Variants in SAMD3 observed in about 807,000 individuals in gnomAD.
SAMD3 encodes the protein sterile alpha motif domain-containing protein 3.
SAMD3 carries 63 observed loss-of-function variants against 58.5 expected under a neutral mutation model. That is an observed-to-expected ratio of 1.08 (90% confidence interval 0.88 to 1.33). The LOEUF is 1.33. Ranked by LOEUF, SAMD3 falls within the 40% of genes most tolerant of loss-of-function variation. The probability of loss-of-function intolerance (pLI) is 0.00; values close to 1 mark genes in which losing one functional copy is unlikely to be tolerated. For missense variants in SAMD3, 604 were observed against 608.4 expected (o/e 0.99, Z 0.08); for synonymous variants, 220 against 210.3 (o/e 1.05, Z -0.40).
At chr6:130,185,608 T>C (rs1411830348) in intron 5 of SAMD3, among the ~76,000 whole-genome samples, 1 of 151,004 alleles carries the variant, frequency 6.6e-6, no homozygotes, top group Non-Finnish European at 1.5e-5. Context: ...ACTACAGGCC[T>C]GAGCCACTGC....
chr6:130,342,279 T>C (rs1777297967), intron 1 of SAMD3, among the ~76,000 whole-genome samples: 1 of 152,234 alleles, frequency 6.6e-6, no homozygotes, highest in South Asian at 2.1e-4. Context: ...AGATGTTGCT[T>C]ACAAACCCCA....
At chr6:130,283,256 A>G (rs1775046755) in intron 2 of SAMD3, among the ~76,000 whole-genome samples, 1 of 152,208 alleles carries the variant, frequency 6.6e-6, no homozygotes, top group African/African-American at 2.4e-5. Context: ...ATTAACAGAT[A>G]TGAAGGTTAG....
At position 130,228,354 on chromosome 6, in the gene SAMD3, T is replaced by C. The variant is rs12661011; in HGVS notation, c.-187-5541A>G. ...AACCCGTTGTGCATTAAAAATTGTT[T>C]TTTTTCTGCATGCCATGATGAACCT... On this transcript the variant is annotated intron_variant, in intron 2 of 13. Coordinates refer to the SAMD3 transcript ENST00000368134. 8.0e-3 allele frequency among the ~76,000 whole-genome samples: 1,224 copies of C among 152,290 alleles called. 51 individuals carry two copies. In the East Asian group the frequency reaches 0.11, roughly 13 times the overall value.
intron 8 of SAMD3, among the ~76,000 whole-genome samples, chr6:130,175,056 A>C (rs1791598090): frequency 6.6e-6 from 1 of 152,242 alleles, no homozygotes; most frequent in African/African-American, 2.4e-5. Context: ...CACTAATATA[A>C]ACATGTTTGT....
At chr6:130,314,307 G>A (rs191730452) in intron 1 of SAMD3, among the ~76,000 whole-genome samples, 20 of 152,226 alleles carry the variant, frequency 1.3e-4, no homozygotes, top group African/African-American at 4.8e-4. Flanking sequence ...TAGCCCTTAA[G>A]AGGCCCTGAA....
chr6:130,187,752 G>T (rs1291148726), intron 5 of SAMD3, among the ~76,000 whole-genome samples: 2 of 152,136 alleles, frequency 1.3e-5, no homozygotes, highest in Non-Finnish European at 2.9e-5. Flanking sequence ...TCAGCCAAAA[G>T]TAAGGGCAGG....
At chr6:130,312,800 C>A (rs892062204) in intron 2 of SAMD3, among the ~76,000 whole-genome samples, 3 of 152,138 alleles carry the variant, frequency 2.0e-5, no homozygotes, top group Non-Finnish European at 2.9e-5. Flanking sequence ...CATGCACACA[C>A]ACACACACAT....
chr6:130,168,159 C>T (rs572557138), intron 8 of SAMD3, among the ~76,000 whole-genome samples: 4 of 152,140 alleles, frequency 2.6e-5, no homozygotes, highest in African/African-American at 4.8e-5. Flanking sequence ...CCTGGCCAGG[C>T]GCGGTGGCTC....
intron 1 of SAMD3, among the ~76,000 whole-genome samples, chr6:130,343,977 A>AC (rs10690825): frequency 2.0e-5 from 3 of 148,998 alleles, no homozygotes; most frequent in African/African-American, 7.5e-5. Flanking sequence ...AAACAAACAA[A>AC]AAAAAAAGGG....
intron 5 of SAMD3, among the ~76,000 whole-genome samples, chr6:130,186,563 C>G (rs1244052225): frequency 6.6e-6 from 1 of 152,108 alleles, no homozygotes; most frequent in Non-Finnish European, 1.5e-5. Flanking sequence ...TAGTATGTTT[C>G]TCTTTCATTT....
At chr6:130,361,584 A>G (rs1777990247) in intron 1 of SAMD3, among the ~76,000 whole-genome samples, 1 of 152,238 alleles carries the variant, frequency 6.6e-6, no homozygotes, top group East Asian at 1.9e-4. Flanking sequence ...TAATAAAAAC[A>G]GATCTAATAA....
At chr6:130,176,417 C>A (rs1484469448) in intron 7 of SAMD3, among the ~76,000 whole-genome samples, 1 of 152,132 alleles carries the variant, frequency 6.6e-6, no homozygotes, top group Non-Finnish European at 1.5e-5. Context: ...GATGCATTTT[C>A]TTTAAAAATA....
chr6:130,307,133 A>T (rs990922112), intron 2 of SAMD3, among the ~76,000 whole-genome samples: 5 of 152,262 alleles, frequency 3.3e-5, no homozygotes, highest in Admixed American at 1.3e-4. Context: ...CAAAGATCAA[A>T]CTTTATACAC....
At position 130,146,052 on chromosome 6, in the gene SAMD3, G is replaced by T. The variant is rs759483700; in HGVS notation, c.1153C>A (p.Gln385Lys). Residue 385 changes from glutamine (Q) to lysine (K), a missense_variant, in exon 10 of 12, where the codon CAA (glutamine) becomes AAA (lysine). Transcript: ENST00000439090. The part of the protein sequence containing the change: ...VVDNPINIVL[Q>K]EKMKHYTDED... ...TCTGTGTAATGTTTCATTTTTTCTT[G>T]CAATACAATATTGATTGGATTGTCC... 3.2e-6 allele frequency: 5 copies of T among 1,567,162 alleles called. No individual in the cohort carries two copies. The South Asian group carries it at 6.1e-5, about 19-fold the overall frequency.
chr6:130,192,697 A>G (rs1190855197), intron 5 of SAMD3, among the ~76,000 whole-genome samples: 3 of 152,276 alleles, frequency 2.0e-5, no homozygotes, highest in South Asian at 2.1e-4. Context: ...GTCTCTTCAC[A>G]CGGTCGCGCA....
chr6:130,240,231 T>C (rs1422053699), intron 2 of SAMD3, among the ~76,000 whole-genome samples: 1 of 152,160 alleles, frequency 6.6e-6, no homozygotes, highest in Non-Finnish European at 1.5e-5. Context: ...CCTTAACCCA[T>C]ACCATAAGAT....
At chr6:130,272,744 A>G (rs1583034945) in intron 2 of SAMD3, among the ~76,000 whole-genome samples, 1 of 152,260 alleles carries the variant, frequency 6.6e-6, no homozygotes, top group East Asian at 1.9e-4. Context: ...AAGTCTTGCT[A>G]TGTTGCCCAG....
chr6:130,213,286 A>C (rs2114841270), intron 4 of SAMD3, among the ~76,000 whole-genome samples: 1 of 151,998 alleles, frequency 6.6e-6, no homozygotes, highest in East Asian at 1.9e-4. Flanking sequence ...GGTCAGACTG[A>C]GACCCATCTC....
In SAMD3 at chr6:130,299,866, G is replaced by A. The variant is rs372223539; in HGVS notation, c.-188+13112C>T. On this transcript the variant is annotated intron_variant, in intron 2 of 13. Transcript: ENST00000368134. ...ACACACTAGAATATCTATAGAAAACGAATAATTTTCTGGAAACATGAAACC... is the reference window on the plus strand; with the variant it reads ...ACACACTAGAATATCTATAGAAAACAAATAATTTTCTGGAAACATGAAACC... Among the ~76,000 whole-genome samples, 7 of 152,196 alleles carry A rather than the reference G, an allele frequency of 4.6e-5. No individual in the cohort carries two copies. In the East Asian group the frequency reaches 5.8e-4, roughly 13 times the overall value.
Sources: gnomAD v4.1 joint callset for allele counts (sites outside exome capture counted in the v4.1 genomes callset) on GRCh38, gnomAD v4.1.1 for gene constraint, MANE v1.5 for transcripts, NCBI Gene and HGNC (gene_info 2026-07-23, HGNC 2026-07-21) for gene names.